HTT: variants seen among roughly 807,000 people sequenced by gnomAD.
The protein encoded by HTT is huntingtin.
Under a neutral mutation model 362.3 loss-of-function variants are expected in HTT, and 104 were observed. That is an observed-to-expected ratio of 0.29 (90% CI 0.24 to 0.34). HTT has a LOEUF of 0.34. Ranked by LOEUF, HTT falls within the 10% of genes least tolerant of loss-of-function variation. The pLI, the probability that HTT is intolerant of heterozygous loss-of-function variation, is 1.00. For missense variants in HTT, 3,301 were observed against 3,928.6 expected (o/e 0.84, Z 4.27); for synonymous variants, 1,577 against 1,548.7 (o/e 1.02, Z -0.43).
chr4:3,197,733 C>G (rs1719323155), intron 40 of HTT, among the ~76,000 whole-genome samples: 1 of 152,168 alleles, frequency 6.6e-6, no homozygotes, highest in Non-Finnish European at 1.5e-5. Context: ...AGGTAGTAGA[C>G]AGTAGAGCCA....
intron 21 of HTT, among the ~76,000 whole-genome samples, chr4:3,139,723 C>T (rs750756061): frequency 6.6e-6 from 1 of 152,160 alleles, no homozygotes; most frequent in Non-Finnish European, 1.5e-5. Context: ...TGTTAGGAAT[C>T]GCAGCTTAAG....
intron 8 of HTT, among the ~76,000 whole-genome samples, chr4:3,120,649 G>A (rs867811293): frequency 9.9e-5 from 15 of 152,214 alleles, no homozygotes; most frequent in African/African-American, 3.4e-4. Flanking sequence ...GAGGGGTCTA[G>A]GTTGTGCGCT....
Position 3,146,966 on chromosome 4 carries a change from A to G in HTT, c.3295+18A>G, listed in dbSNP as rs1449211119. ...GCTTGCAGGTACTGGTACTGAGTTG[A>G]AACAGGGACTCCAGGACTTGGATTT... On this transcript the variant is annotated intron_variant, in intron 25 of 66. Transcript: ENST00000355072. 1.2e-6 allele frequency: 2 copies of G among 1,613,768 alleles called. No homozygotes were observed. Among genetic ancestry groups the G allele is most frequent in the Admixed American group, 3.3e-5 (2 of 60,030 alleles).
At chr4:3,117,113 G>A (rs1006788749) in intron 8 of HTT, among the ~76,000 whole-genome samples, 3 of 152,234 alleles carry the variant, frequency 2.0e-5, no homozygotes, top group African/African-American at 7.2e-5. Context: ...AGTGCTGCGT[G>A]TTGATAAACA....
chr4:3,147,550 C>T (rs910532707), intron 25 of HTT, among the ~76,000 whole-genome samples: 1 of 152,094 alleles, frequency 6.6e-6, no homozygotes, highest in Admixed American at 6.6e-5. Context: ...AGGAGAGTTT[C>T]GTGAAAGGGA....
intron 6 of HTT, among the ~76,000 whole-genome samples, chr4:3,111,859 C>T (rs982594468): frequency 2.3e-4 from 35 of 152,250 alleles, no homozygotes; most frequent in African/African-American, 8.2e-4. Flanking sequence ...CCTCTCCATC[C>T]CTCCACTTTC....
At chr4:3,188,565 C>G (rs987748375) in intron 39 of HTT, 1 of 179,328 alleles carries the variant, frequency 5.6e-6, no homozygotes, top group Non-Finnish European at 1.2e-5. Flanking sequence ...AGGAGATAAG[C>G]CCAGTAAGCC....
At chr4:3,093,764 A>G (rs150111941) in intron 2 of HTT, among the ~76,000 whole-genome samples, 10 of 152,048 alleles carry the variant, frequency 6.6e-5, no homozygotes, top group African/African-American at 1.4e-4. Context: ...TGATGAAGCT[A>G]TAAGCCAAGG....
intron 1 of HTT, 137 bp downstream of exon 1, chr4:3,075,225 C>A: frequency 2.3e-6 from 2 of 862,758 alleles, no homozygotes; most frequent in Non-Finnish European, 3.0e-6. Flanking sequence ...CAACCCAGAG[C>A]CCATGAGGGA....
chr4:3,076,204 A>C (rs1254316383), intron 1 of HTT, among the ~76,000 whole-genome samples: 1 of 152,126 alleles, frequency 6.6e-6, no homozygotes, highest in African/African-American at 2.4e-5. Flanking sequence ...GACCATTAAA[A>C]CATCTAGCGG....
chr4:3,145,311 CTTTTT>C (rs1370487385), intron 24 of HTT, 83 bp downstream of exon 24: 1 of 968,654 alleles, frequency 1.0e-6, no homozygotes, highest in African/African-American at 1.6e-5. Flanking sequence ...CTTTTTCTTT[CTTTTT>C]AAGTCTTTTA....
chr4:3,152,520 G>C (rs1358291857), intron 26 of HTT, among the ~76,000 whole-genome samples: 1 of 152,070 alleles, frequency 6.6e-6, no homozygotes, highest in African/African-American at 2.4e-5. Context: ...ACCCATAAAG[G>C]AACTCTGTAC....
chr4:3,118,027 G>A (rs539212206), intron 8 of HTT, among the ~76,000 whole-genome samples: 1 of 152,060 alleles, frequency 6.6e-6, no homozygotes, highest in Non-Finnish European at 1.5e-5. Context: ...CTCCATCCCA[G>A]TTTTTTTCCC....
rs552762431 is a variant in HTT at position 3,076,678 on chromosome 4, C to G, written c.263+1590C>G. Among the ~76,000 whole-genome samples, 18 of 152,274 alleles carry G rather than the reference C, an allele frequency of 1.2e-4. No homozygotes were observed. The South Asian group carries it at 3.7e-3, about 32-fold the overall frequency. On this transcript the variant is annotated intron_variant, in intron 1 of 66. Coordinates refer to ENST00000355072, the MANE Select transcript of HTT (RefSeq NM_001388492.1). The stretch of plus-strand genomic sequence containing the variant: ...CTTGTGTAAACACTAAACAGGGCTC[C>G]TGATGGGAAGGAAGACCTTTCTGCT...
Position 3,197,193 on chromosome 4 carries a change from G to A in HTT, c.5369-2539G>A, listed in dbSNP as rs117488886. On this transcript the variant is annotated intron_variant, in intron 40 of 66. Transcript: ENST00000355072. Reference sequence around the variant, plus strand: ...GGTCTCTCGTTACTGTTTTCTCTGTGTTTCTGCCTCTCTCCTTGGCCTTGG... The same window carrying A: ...GGTCTCTCGTTACTGTTTTCTCTGTATTTCTGCCTCTCTCCTTGGCCTTGG... Among the ~76,000 whole-genome samples the A allele has an allele frequency of 9.8e-4, 149 of 152,132 alleles. 3 individuals are homozygous for A. The East Asian group carries it at 0.02, about 20-fold the overall frequency.
intron 21 of HTT, among the ~76,000 whole-genome samples, chr4:3,138,856 A>G (rs1466659483): frequency 6.6e-6 from 1 of 152,102 alleles, no homozygotes; most frequent in Non-Finnish European, 1.5e-5. Context: ...CAAGTGATCC[A>G]CCTGCCTTGG....
chr4:3,229,033 T>G lies in HTT; in HGVS notation c.8109+24T>G, dbSNP rs1721061140. 4 of 1,604,616 alleles carry G rather than the reference T, an allele frequency of 2.5e-6. No homozygotes were observed. In the East Asian group the frequency reaches 6.7e-5, roughly 27 times the overall value. On this transcript the variant is annotated intron_variant, in intron 59 of 66. Transcript: ENST00000355072. ...CCGTAAGTGAGCCTTCCCATTCCCC[T>G]CACACCTGCACGTGCCACACGCACC...
chr4:3,215,997 C>T (rs1047699040), intron 51 of HTT, among the ~76,000 whole-genome samples: 2 of 152,340 alleles, frequency 1.3e-5, no homozygotes, highest in African/African-American at 4.8e-5. Flanking sequence ...AGCCTGTCCA[C>T]ACATTTTACA....
At position 3,170,600 on chromosome 4, in the gene HTT, G is replaced by C. The variant is rs60215756; in HGVS notation, c.3865-1720G>C. On this transcript the variant is annotated intron_variant, in intron 29 of 66. Coordinates refer to ENST00000355072, the MANE Select transcript of HTT (RefSeq NM_001388492.1). Reference sequence around the variant, plus strand: ...CTTGTTTTCTCTTCTCTGGTGCTCTGTCTTATGAACTGTGGCTGTCTTGGT... The same window carrying C: ...CTTGTTTTCTCTTCTCTGGTGCTCTCTCTTATGAACTGTGGCTGTCTTGGT... Among the ~76,000 whole-genome samples the C allele has an allele frequency of 2.0e-4, 31 of 152,242 alleles. No individual in the cohort carries two copies. The East Asian group carries it at 5.8e-3, about 28-fold the overall frequency.
Sources: allele counts gnomAD v4.1 joint callset (sites outside exome capture counted in the v4.1 genomes callset), GRCh38; gene constraint gnomAD v4.1.1; transcripts MANE v1.5; gene names NCBI Gene and HGNC (gene_info 2026-07-23, HGNC 2026-07-21).